The following PPARGC1A variants were observed in gnomAD, a reference collection of about 807,000 sequenced individuals.
The protein encoded by PPARGC1A is peroxisome proliferator-activated receptor gamma coactivator 1-alpha.
In PPARGC1A, 25 loss-of-function variants were observed where a neutral mutation model predicts 88.7. That is an observed-to-expected ratio of 0.28 (90% CI 0.21 to 0.39). PPARGC1A has a LOEUF of 0.39. PPARGC1A is among the 10% of genes least tolerant of loss of function. PPARGC1A has a pLI of 1.00. For synonymous variants in PPARGC1A, 363 were observed against 355.6 expected (o/e 1.02, Z -0.24); for missense variants, 880 against 968.7 (o/e 0.91, Z 1.22).
intron 2 of PPARGC1A, among the ~76,000 whole-genome samples, chr4:23,857,383 C>T (rs1730385788): frequency 7.2e-6 from 1 of 139,640 alleles, no homozygotes; most frequent in Non-Finnish European, 1.6e-5. Context: ...GACACACACA[C>T]ACACGCACGT....
At chr4:24,237,706 G>A in the PPARGC1A span, among the ~76,000 whole-genome samples, 30 of 152,184 alleles carry the variant, frequency 2.0e-4, no homozygotes, top group South Asian at 4.2e-4. Flanking sequence ...GAATGAAAAC[G>A]TTTCAGAAAT....
chr4:23,827,413 T>G (rs748350788), intron 5 of PPARGC1A, among the ~76,000 whole-genome samples: 1 of 151,622 alleles, frequency 6.6e-6, no homozygotes, highest in Non-Finnish European at 1.5e-5. Flanking sequence ...AAAGGAAAAG[T>G]TGGGAAAATG....
the PPARGC1A span, among the ~76,000 whole-genome samples, chr4:24,426,609 A>G: frequency 6.6e-6 from 1 of 152,242 alleles, no homozygotes; most frequent in East Asian, 1.9e-4. Flanking sequence ...CTGGTCAGAT[A>G]ATAACCGGCA....
the PPARGC1A span, among the ~76,000 whole-genome samples, chr4:24,165,547 T>C: frequency 3.9e-5 from 6 of 152,350 alleles, no homozygotes; most frequent in East Asian, 7.7e-4. Flanking sequence ...GTGGCAACAC[T>C]GCAATGAGCA....
At chr4:23,898,077 TAAAA>T (rs548581527) in intron 1 of PPARGC1A, among the ~76,000 whole-genome samples, 1 of 152,180 alleles carries the variant, frequency 6.6e-6, no homozygotes, top group Non-Finnish European at 1.5e-5. Context: ...AATGAGAGCT[TAAAA>T]TAACATCCTT....
At chr4:24,406,582 T>C in the PPARGC1A span, among the ~76,000 whole-genome samples, 1 of 152,224 alleles carries the variant, frequency 6.6e-6, no homozygotes, top group Non-Finnish European at 1.5e-5. Context: ...GAATTGGAAC[T>C]AGTCATCTCT....
chr4:24,193,472 G>A, the PPARGC1A span, among the ~76,000 whole-genome samples: 1 of 152,144 alleles, frequency 6.6e-6, no homozygotes, highest in African/African-American at 2.4e-5. Context: ...GTCCCGCAGT[G>A]AGACCCCTGG....
chr4:24,194,546 G>A, the PPARGC1A span, among the ~76,000 whole-genome samples: 1 of 151,836 alleles, frequency 6.6e-6, no homozygotes, highest in Admixed American at 6.6e-5. Context: ...TTGCAGTTTT[G>A]TCATTGAACA....
the PPARGC1A span, among the ~76,000 whole-genome samples, chr4:24,012,771 T>C: frequency 6.6e-6 from 1 of 152,132 alleles, no homozygotes; most frequent in Non-Finnish European, 1.5e-5. Context: ...ATAAAAGATA[T>C]ATTTTTGTAT....
chr4:24,394,234 T>C, the PPARGC1A span, among the ~76,000 whole-genome samples: 1 of 152,224 alleles, frequency 6.6e-6, no homozygotes, highest in Non-Finnish European at 1.5e-5. Context: ...ACTCATGTGG[T>C]AACTCGGGTT....
chr4:24,132,338 T>C, the PPARGC1A span, among the ~76,000 whole-genome samples: 1 of 149,306 alleles, frequency 6.7e-6, no homozygotes, highest in Non-Finnish European at 1.5e-5. Flanking sequence ...ATCAACCCTC[T>C]TTCTGTTTTG....
the PPARGC1A span, among the ~76,000 whole-genome samples, chr4:24,287,649 C>T: frequency 6.7e-6 from 1 of 150,084 alleles, no homozygotes; most frequent in Non-Finnish European, 1.5e-5. Flanking sequence ...CACACACACA[C>T]ACACACACAC....
At chr4:24,257,188 C>T in the PPARGC1A span, among the ~76,000 whole-genome samples, 1 of 152,060 alleles carries the variant, frequency 6.6e-6, no homozygotes, top group African/African-American at 2.4e-5. Flanking sequence ...GACTTTCTGC[C>T]TCTAGAGGTT....
the PPARGC1A span, among the ~76,000 whole-genome samples, chr4:24,364,189 C>G: frequency 7.2e-5 from 11 of 152,130 alleles, no homozygotes; most frequent in East Asian, 1.7e-3. Flanking sequence ...GCCAGCCATT[C>G]CAATGACTCT....
At chr4:24,019,339 A>T in the PPARGC1A span, among the ~76,000 whole-genome samples, 2 of 151,780 alleles carry the variant, frequency 1.3e-5, no homozygotes, top group African/African-American at 4.9e-5. Flanking sequence ...ACTTTCATAC[A>T]TTGTCTCATT....
At chr4:24,385,831 C>T in the PPARGC1A span, among the ~76,000 whole-genome samples, 1 of 152,112 alleles carries the variant, frequency 6.6e-6, no homozygotes, top group African/African-American at 2.4e-5. Flanking sequence ...GAGCTGGTAC[C>T]ATTACTTCTG....
chr4:24,201,463 T>C, the PPARGC1A span, among the ~76,000 whole-genome samples: 2 of 152,208 alleles, frequency 1.3e-5, no homozygotes, highest in African/African-American at 4.8e-5. Context: ...TCATATTGAT[T>C]ATTGCGGCTA....
the PPARGC1A span, among the ~76,000 whole-genome samples, chr4:24,230,045 C>T: frequency 6.6e-6 from 1 of 152,144 alleles, no homozygotes; most frequent in Non-Finnish European, 1.5e-5. Flanking sequence ...CTCCTCATTC[C>T]ACCCTGCTCC....
At chr4:24,208,690 T>C in the PPARGC1A span, among the ~76,000 whole-genome samples, 1 of 103,124 alleles carries the variant, frequency 9.7e-6, no homozygotes, top group South Asian at 3.4e-4. Flanking sequence ...AAAATATATA[T>C]ATATATATAT....
Sources: allele counts gnomAD v4.1 joint callset (sites outside exome capture counted in the v4.1 genomes callset), GRCh38; gene constraint gnomAD v4.1.1; transcripts MANE v1.5; gene names NCBI Gene and HGNC (gene_info 2026-07-23, HGNC 2026-07-21).